Variants in GALNT13 observed in about 807,000 individuals in gnomAD.
The protein encoded by GALNT13 is polypeptide N-acetylgalactosaminyltransferase 13.
In GALNT13, 28 loss-of-function variants were observed where a neutral mutation model predicts 64.2. That is an observed-to-expected ratio of 0.44 (90% CI 0.32 to 0.60). The LOEUF (loss-of-function observed/expected upper bound fraction) is 0.60, where lower values mean the gene tolerates loss of function less well. GALNT13 is among the 20% of genes least tolerant of loss of function. The probability of loss-of-function intolerance (pLI) is 0.05; values close to 1 mark genes in which losing one functional copy is unlikely to be tolerated. For synonymous variants in GALNT13, 214 were observed against 224.6 expected, an observed-to-expected ratio of 0.95 and a Z score of 0.42; for missense variants, 577 against 669.8, an observed-to-expected ratio of 0.86 and a Z score of 1.53.
chr2:153,639,263 A>G, the GALNT13 span, among the ~76,000 whole-genome samples: 1 of 152,154 alleles, frequency 6.6e-6, no homozygotes, highest in Non-Finnish European at 1.5e-5. Flanking sequence ...TTAAGCATTT[A>G]TTGAAGTTAA....
chr2:153,872,817 A>C (rs1030252611), intron 1 of GALNT13, among the ~76,000 whole-genome samples: 1 of 152,064 alleles, frequency 6.6e-6, no homozygotes, highest in African/African-American at 2.4e-5. Context: ...TTGCCTTCGT[A>C]TAGTGCCCCC....
At chr2:154,012,698 T>A (rs1696731862) in intron 3 of GALNT13, among the ~76,000 whole-genome samples, 1 of 152,162 alleles carries the variant, frequency 6.6e-6, no homozygotes, top group South Asian at 2.1e-4. Flanking sequence ...TTCTGCCATG[T>A]CAGTGTGTTA....
intron 2 of GALNT13, among the ~76,000 whole-genome samples, chr2:153,922,168 A>G (rs997237765): frequency 6.6e-6 from 1 of 152,148 alleles, no homozygotes; most frequent in African/African-American, 2.4e-5. Context: ...GTGGGAAATC[A>G]GAGAATTTTT....
At chr2:154,379,007 A>G (rs547084692) in intron 9 of GALNT13, among the ~76,000 whole-genome samples, 1 of 152,094 alleles carries the variant, frequency 6.6e-6, no homozygotes, top group Admixed American at 6.6e-5. Context: ...TTCCTGTTAC[A>G]GTACGTAAAA....
At chr2:153,274,946 C>T in the GALNT13 span, among the ~76,000 whole-genome samples, 1 of 152,154 alleles carries the variant, frequency 6.6e-6, no homozygotes, top group Non-Finnish European at 1.5e-5. Flanking sequence ...TTAGGCTTAG[C>T]ATATTATGCT....
At chr2:154,180,998 T>C (rs1455133465) in intron 4 of GALNT13, among the ~76,000 whole-genome samples, 1 of 152,154 alleles carries the variant, frequency 6.6e-6, no homozygotes, top group African/African-American at 2.4e-5. Context: ...GTGAGTGGTA[T>C]TGTCAGGATG....
the GALNT13 span, among the ~76,000 whole-genome samples, chr2:153,325,303 C>G: frequency 2.0e-5 from 3 of 151,964 alleles, no homozygotes; most frequent in East Asian, 5.8e-4. Flanking sequence ...TTATAATATT[C>G]TTTGATGGTA....
the GALNT13 span, among the ~76,000 whole-genome samples, chr2:153,852,351 G>A: frequency 6.6e-6 from 1 of 152,080 alleles, no homozygotes; most frequent in Non-Finnish European, 1.5e-5. Context: ...ATTAGATAAA[G>A]TGGATTACCA....
chr2:153,280,602 C>T, the GALNT13 span, among the ~76,000 whole-genome samples: 4 of 151,956 alleles, frequency 2.6e-5, no homozygotes, highest in Non-Finnish European at 5.9e-5. Context: ...TTTATTTCTG[C>T]CTTAATTTTG....
intron 8 of GALNT13, among the ~76,000 whole-genome samples, chr2:154,277,502 G>A (rs905018103): frequency 6.6e-6 from 1 of 152,086 alleles, no homozygotes; most frequent in Non-Finnish European, 1.5e-5. Flanking sequence ...TCGTTTTACT[G>A]TTGTTCTAGT....
chr2:153,999,530 T>G (rs1695755817), intron 3 of GALNT13, among the ~76,000 whole-genome samples: 1 of 152,094 alleles, frequency 6.6e-6, no homozygotes, highest in Admixed American at 6.6e-5. Flanking sequence ...TGAGGGGATG[T>G]TGAATTTTGA....
chr2:154,119,580 G>T (rs940597988), intron 3 of GALNT13, among the ~76,000 whole-genome samples: 1 of 151,722 alleles, frequency 6.6e-6, no homozygotes, highest in African/African-American at 2.4e-5. Context: ...TCTAGTGAAG[G>T]TGTCTGAATT....
At chr2:153,757,420 T>C in the GALNT13 span, among the ~76,000 whole-genome samples, 1 of 152,346 alleles carries the variant, frequency 6.6e-6, no homozygotes, top group East Asian at 1.9e-4. Flanking sequence ...AATTGACTGA[T>C]GAAGGTTTAT....
chr2:153,348,444 T>C, the GALNT13 span, among the ~76,000 whole-genome samples: 1 of 152,210 alleles, frequency 6.6e-6, no homozygotes, highest in Non-Finnish European at 1.5e-5. Context: ...TTGAGAGCAG[T>C]TGTGCCCAGA....
At chr2:153,230,631 C>T in the GALNT13 span, among the ~76,000 whole-genome samples, 3 of 152,246 alleles carry the variant, frequency 2.0e-5, no homozygotes, top group African/African-American at 7.2e-5. Flanking sequence ...ATCATTTCCC[C>T]CTGGAATGAT....
At chr2:153,966,644 AG>A (rs1693377527) in intron 3 of GALNT13, among the ~76,000 whole-genome samples, 1 of 152,050 alleles carries the variant, frequency 6.6e-6, no homozygotes, top group African/African-American at 2.4e-5. Context: ...CTGGGATTAC[AG>A]GCGTGAGCCA....
chr2:153,586,943 A>G, the GALNT13 span, among the ~76,000 whole-genome samples: 1 of 151,368 alleles, frequency 6.6e-6, no homozygotes, highest in Non-Finnish European at 1.5e-5. Flanking sequence ...GGGTCAATAA[A>G]GAAATTGGCT....
chr2:154,013,954 A>G lies in GALNT13; in HGVS notation c.142+69315A>G, dbSNP rs117545294. On this transcript the variant is annotated intron_variant, in intron 3 of 12. Transcript: ENST00000392825. ...GGCATGGACTGCCAGCGAAGAAGCT[A>G]TCATGAAGGCATCAGGGAAGCACCC... 5.9e-5 allele frequency among the ~76,000 whole-genome samples: 9 copies of G among 152,314 alleles called. No individual in the cohort carries two copies. The East Asian group carries it at 1.7e-3, about 30-fold the overall frequency.
chr2:153,600,739 T>C, the GALNT13 span, among the ~76,000 whole-genome samples: 1 of 152,066 alleles, frequency 6.6e-6, no homozygotes, highest in Non-Finnish European at 1.5e-5. Context: ...AAGAATTAAC[T>C]TTCTCAGTAT....
Sources: allele counts gnomAD v4.1 joint callset (sites outside exome capture counted in the v4.1 genomes callset), GRCh38; gene constraint gnomAD v4.1.1; transcripts MANE v1.5; gene names NCBI Gene and HGNC (gene_info 2026-07-23, HGNC 2026-07-21).